The following ZFHX3 variants were observed in gnomAD, a reference collection of about 807,000 sequenced individuals.
ZFHX3 encodes the protein zinc finger homeobox protein 3.
ZFHX3 carries 42 observed loss-of-function variants against 279.1 expected under a neutral mutation model. The observed-to-expected ratio is 0.15, with a 90% confidence interval of 0.12 to 0.19. The LOEUF is 0.19. ZFHX3 is among the 10% of genes least tolerant of loss of function. The probability of loss-of-function intolerance (pLI) is 1.00; values close to 1 mark genes in which losing one functional copy is unlikely to be tolerated. For missense variants in ZFHX3, 4,981 were observed against 4,754.0 expected (o/e 1.05, Z -1.40); for synonymous variants, 2,293 against 1,957.8 (o/e 1.17, Z -4.52).
chr16:72,957,389 C>T (rs199920003), intron 2 of ZFHX3, 38 bp downstream of exon 2: 4 of 1,558,244 alleles, frequency 2.6e-6, no homozygotes, highest in Non-Finnish European at 3.5e-6. Context: ...TGGTTAAACT[C>T]CTATCATGAA....
Position 72,788,664 on chromosome 16 carries a change from T to TTGCTGCTGCTGCTGC in ZFHX3, c.9597_9611dup (p.Gln3200_Gln3204dup). 6.2e-7 allele frequency: 1 copy of TTGCTGCTGCTGCTGC among 1,611,688 alleles called. No individual in the cohort carries two copies. The highest frequency in any genetic ancestry group is 2.2e-5 in the East Asian group (1 of 44,766). ...GCGGGGGAGGCTGCTGCACCTGTGG[T>TTGCTGCTGCTGCTGC]TGCTGCTGCTGCTGCTGCTGCTGGG... On this transcript the variant is annotated inframe_insertion, in exon 10 of 10. Coordinates refer to ENST00000268489, the MANE Select transcript of ZFHX3 (RefSeq NM_006885.4).
At chr16:73,451,959 A>G (rs751311982) in intron 3 of ZFHX3, among the ~76,000 whole-genome samples, 6 of 152,246 alleles carry the variant, frequency 3.9e-5, no homozygotes, top group Non-Finnish European at 7.3e-5. Flanking sequence ...TAGACAATTC[A>G]GAATCATTTG....
chr16:73,298,812 T>A (rs1405509393), intron 4 of ZFHX3, among the ~76,000 whole-genome samples: 1 of 152,212 alleles, frequency 6.6e-6, no homozygotes, highest in Non-Finnish European at 1.5e-5. Context: ...GTTACCACAG[T>A]GAAAATTTGT....
intron 3 of ZFHX3, among the ~76,000 whole-genome samples, chr16:72,890,226 T>C (rs1343336427): frequency 1.3e-5 from 2 of 152,226 alleles, no homozygotes; most frequent in Non-Finnish European, 2.9e-5. Context: ...TCCCCCATGC[T>C]GTTCTTGTGA....
At chr16:73,283,918 C>T (rs2014522133) in intron 4 of ZFHX3, among the ~76,000 whole-genome samples, 1 of 152,142 alleles carries the variant, frequency 6.6e-6, no homozygotes, top group African/African-American at 2.4e-5. Context: ...CACTGCACTC[C>T]AGCCTGGGAA....
chr16:73,389,329 C>G (rs968203087), intron 3 of ZFHX3: 48 of 152,326 alleles, frequency 3.2e-4, no homozygotes, highest in African/African-American at 1.1e-3. Flanking sequence ...AAAAAAAGAC[C>G]ATGTGGTCTG....
intron 4 of ZFHX3, among the ~76,000 whole-genome samples, chr16:72,860,604 A>G (rs2037862957): frequency 6.6e-6 from 1 of 151,898 alleles, no homozygotes; most frequent in South Asian, 2.1e-4. Flanking sequence ...CTAATTTTCT[A>G]TTTTTAGTAG....
intron 2 of ZFHX3, among the ~76,000 whole-genome samples, chr16:73,538,837 C>A (rs767301539): frequency 6.6e-6 from 1 of 152,192 alleles, no homozygotes; most frequent in Non-Finnish European, 1.5e-5. Flanking sequence ...TTTCTGCCAT[C>A]TTTTCAATAA....
chr16:73,875,249 A>G (rs1178878425), intron 1 of ZFHX3, among the ~76,000 whole-genome samples: 1 of 151,820 alleles, frequency 6.6e-6, no homozygotes, highest in Non-Finnish European at 1.5e-5. Flanking sequence ...ATATATTTTA[A>G]TATTTATACA....
chr16:72,917,970 T>C (rs1048670908), intron 3 of ZFHX3, among the ~76,000 whole-genome samples: 1 of 152,168 alleles, frequency 6.6e-6, no homozygotes, highest in Non-Finnish European at 1.5e-5. Context: ...ATAAACACGA[T>C]GAAGAAAAAC....
intron 7 of ZFHX3, among the ~76,000 whole-genome samples, chr16:73,100,332 G>A (rs1080481): frequency 0.29 from 44,096 of 151,970 alleles, 6,828 homozygotes; most frequent in Middle Eastern, 0.34. Flanking sequence ...TTGATCAGAC[G>A]AACAAATAAA....
Position 73,746,604 on chromosome 16 carries a change from G to A in ZFHX3, c.-1607-66364C>T, listed in dbSNP as rs370413569. Among the ~76,000 whole-genome samples the A allele has an allele frequency of 8.5e-5, 13 of 152,150 alleles. No homozygotes were observed. In the East Asian group the frequency reaches 1.5e-3, roughly 18 times the overall value. On this transcript the variant is annotated intron_variant, in intron 1 of 17. Coordinates refer to the ZFHX3 transcript ENST00000641206. ...ACGAGTGGGAGTTCAGAGATGAGACGATTTCCTGTATGGAGGACCAATTTT... is the reference window on the plus strand; with the variant it reads ...ACGAGTGGGAGTTCAGAGATGAGACAATTTCCTGTATGGAGGACCAATTTT...
intron 3 of ZFHX3, among the ~76,000 whole-genome samples, chr16:73,404,657 T>A (rs1316451322): frequency 6.6e-6 from 1 of 152,204 alleles, no homozygotes; most frequent in Non-Finnish European, 1.5e-5. Context: ...ATCTTCATTA[T>A]AAGCATGTAA....
At chr16:73,645,595 T>C (rs1191486936) in intron 2 of ZFHX3, among the ~76,000 whole-genome samples, 1 of 152,226 alleles carries the variant, frequency 6.6e-6, no homozygotes. Context: ...TTAATAAATA[T>C]GTTGATGATG....
intron 7 of ZFHX3, among the ~76,000 whole-genome samples, chr16:73,124,279 G>A (rs999905675): frequency 1.3e-5 from 2 of 152,248 alleles, no homozygotes; most frequent in Non-Finnish European, 2.9e-5. Context: ...TCTGCTGTCC[G>A]GTGAGGGCCT....
rs374377988 is a variant in ZFHX3, at chr16:72,788,622, C to A, written c.9654G>T (p.Pro3218=). ...QQPPPPPAAQ[P]PPTPQLPLQQ... is the part of the protein sequence containing the mutation. The stretch of plus-strand genomic sequence containing the variant: ...GCAGTGGGAGCTGTGGTGTGGGTGG[C>A]GGCTGGGCTGCTGGCGGCGGGGGAG... The change falls in exon 10 of 10, where the codon CCG becomes CCT. Residue 3218 remains proline, a synonymous_variant. Transcript: ENST00000268489. The A allele has an allele frequency of 3.7e-6, 6 of 1,612,964 alleles. No individual in the cohort carries two copies. Among genetic ancestry groups the A allele is most frequent in the African/African-American group, 2.7e-5 (2 of 74,834 alleles).
intron 4 of ZFHX3, among the ~76,000 whole-genome samples, chr16:73,302,300 T>C (rs1022269209): frequency 1.5e-4 from 23 of 151,728 alleles, no homozygotes; most frequent in African/African-American, 5.1e-4. Flanking sequence ...CCTCTCTCTC[T>C]CCCTCTCATT....
chr16:73,195,992 C>A (rs1968140175), intron 5 of ZFHX3, among the ~76,000 whole-genome samples: 1 of 152,046 alleles, frequency 6.6e-6, no homozygotes, highest in South Asian at 2.1e-4. Flanking sequence ...AACACACATG[C>A]CGTGTACATA....
intron 3 of ZFHX3, among the ~76,000 whole-genome samples, chr16:73,439,917 A>AC (rs1158178708): frequency 6.1e-5 from 9 of 146,764 alleles, no homozygotes; most frequent in African/African-American, 2.4e-4. Flanking sequence ...GACAAAAAAA[A>AC]AAAAAAAAAA....
Sources: allele counts gnomAD v4.1 joint callset (sites outside exome capture counted in the v4.1 genomes callset), GRCh38; gene constraint gnomAD v4.1.1; transcripts MANE v1.5; gene names NCBI Gene and HGNC (gene_info 2026-07-23, HGNC 2026-07-21).